HNF4G: variants seen among roughly 807,000 people sequenced by gnomAD.
HNF4G encodes the protein hepatocyte nuclear factor 4-gamma.
Under a neutral mutation model 50.9 loss-of-function variants are expected in HNF4G, and 21 were observed. The ratio of observed to expected loss-of-function variants is 0.41; its 90% confidence interval spans 0.29 to 0.59. The LOEUF is 0.59. Among genes scored for constraint, HNF4G ranks in the 20% least tolerant of loss-of-function variants. HNF4G has a pLI of 0.26. For missense variants in HNF4G, 527 were observed against 559.4 expected, an observed-to-expected ratio of 0.94 and a Z score of 0.58; for synonymous variants, 198 against 185.6, an observed-to-expected ratio of 1.07 and a Z score of -0.54.
intron 9 of HNF4G, among the ~76,000 whole-genome samples, chr8:75,561,191 G>T (rs577330430): frequency 5.3e-5 from 8 of 152,142 alleles, no homozygotes; most frequent in African/African-American, 1.7e-4. Flanking sequence ...TTTTCTTGCC[G>T]GTTTCACTTA....
chr8:75,551,574 T>C lies in HNF4G; in HGVS notation c.489+80T>C. The C allele has an allele frequency of 6.0e-6, 5 of 838,526 alleles. No individual in the cohort carries two copies. In the Admixed American group the frequency reaches 1.0e-4, roughly 17 times the overall value. 51.9% of individuals were successfully genotyped at this position (838,526 alleles called of 1,614,324 possible). A position where few individuals can be genotyped will look rare whatever the true frequency, so the allele number is the denominator to read the frequency against. ...AGGCATCATGCTAAAATAATCTAAGTTTTTTCAAAGGTGCTCATTACTAAA... is the reference window on the plus strand; with the variant it reads ...AGGCATCATGCTAAAATAATCTAAGCTTTTTCAAAGGTGCTCATTACTAAA... On this transcript the variant is annotated intron_variant, in intron 4 of 9. Transcript: ENST00000396423.
At chr8:75,553,760 T>C (rs1191026371) in intron 5 of HNF4G, among the ~76,000 whole-genome samples, 1 of 152,102 alleles carries the variant, frequency 6.6e-6, no homozygotes, top group Non-Finnish European at 1.5e-5. Flanking sequence ...AAAACATCTG[T>C]AGAAACATGA....
intron 2 of HNF4G, among the ~76,000 whole-genome samples, chr8:75,502,142 C>T (rs1323695898): frequency 6.6e-6 from 1 of 152,096 alleles, no homozygotes; most frequent in African/African-American, 2.4e-5. Context: ...TGAGCCACCG[C>T]GCCTGGCCCT....
intron 2 of HNF4G, among the ~76,000 whole-genome samples, chr8:75,501,749 T>C (rs1563531271): frequency 6.6e-6 from 1 of 152,128 alleles, no homozygotes; most frequent in African/African-American, 2.4e-5. Flanking sequence ...GTATACAACA[T>C]TGGTGTTTTG....
intron 2 of HNF4G, among the ~76,000 whole-genome samples, chr8:75,533,879 T>C (rs186401887): frequency 3.3e-5 from 5 of 152,032 alleles, no homozygotes; most frequent in Admixed American, 3.3e-4. Context: ...TAATCTATTA[T>C]TGTATTTTAT....
chr8:75,521,947 T>C (rs1305432639), intron 2 of HNF4G, among the ~76,000 whole-genome samples: 2 of 152,194 alleles, frequency 1.3e-5, no homozygotes, highest in Admixed American at 1.3e-4. Flanking sequence ...GCAAAAGCAG[T>C]ACACATTCAA....
intron 1 of HNF4G, among the ~76,000 whole-genome samples, chr8:75,408,597 T>C (rs1478486462): frequency 6.6e-6 from 1 of 152,232 alleles, no homozygotes; most frequent in African/African-American, 2.4e-5. Flanking sequence ...GGATGAAATG[T>C]CCTTTGGAAG....
chr8:75,529,595 T>C (rs901224746), intron 2 of HNF4G, among the ~76,000 whole-genome samples: 1 of 152,158 alleles, frequency 6.6e-6, no homozygotes, highest in Non-Finnish European at 1.5e-5. Context: ...TTTTTAATCC[T>C]ATTAGTTTAA....
chr8:75,423,723 C>G (rs1810826408), intron 1 of HNF4G, among the ~76,000 whole-genome samples: 1 of 149,020 alleles, frequency 6.7e-6, no homozygotes, highest in African/African-American at 2.5e-5. Context: ...AAAGCAGAAA[C>G]AGAACATTTA....
chr8:75,537,555 T>C (rs1025312268), upstream of HNF4G, among the ~76,000 whole-genome samples: 1 of 151,956 alleles, frequency 6.6e-6, no homozygotes, highest in Admixed American at 6.6e-5. Context: ...TAAAAGACTT[T>C]TTTTTTCCTC....
intron 1 of HNF4G, among the ~76,000 whole-genome samples, chr8:75,454,025 TTCTCTCTC>T (rs58676228): frequency 0.053 from 7,034 of 133,850 alleles, 266 homozygotes; most frequent in African/African-American, 0.099. Context: ...AAGAAGAAAT[TTCTCTCTC>T]TCTCTCTCTC....
chr8:75,458,391 T>TTA (rs1811772536), intron 1 of HNF4G, among the ~76,000 whole-genome samples: 1 of 133,094 alleles, frequency 7.5e-6, no homozygotes, highest in African/African-American at 3.0e-5. Context: ...TTTTTTTTTT[T>TTA]ACTTCTAAGG....
At chr8:75,460,548 G>A (rs148571665) in intron 1 of HNF4G, among the ~76,000 whole-genome samples, 22 of 152,284 alleles carry the variant, frequency 1.4e-4, no homozygotes, top group African/African-American at 4.6e-4. Flanking sequence ...ATATAAAAGA[G>A]TTCTTGCCTT....
rs1403808892 is a variant in HNF4G at position 75,528,980 on chromosome 8, T to C, written c.-23-14831T>C. On this transcript the variant is annotated intron_variant, in intron 2 of 10. Transcript: ENST00000354370. ...GCAGCAGGAGAGAAAGAAGGGAAAC[T>C]GCCACTTTAAAAACCTCAGATCTCT... is the stretch of plus-strand genomic sequence containing the variant. Among the ~76,000 whole-genome samples, 4 of 152,106 alleles carry C rather than the reference T, an allele frequency of 2.6e-5. No homozygotes were observed. In the East Asian group the frequency reaches 7.7e-4, roughly 29 times the overall value.
chr8:75,522,194 A>G (rs1369400682), intron 2 of HNF4G, among the ~76,000 whole-genome samples: 3 of 152,194 alleles, frequency 2.0e-5, no homozygotes, highest in African/African-American at 7.2e-5. Flanking sequence ...ATGCTAGTAT[A>G]TTAGTTCCTT....
At chr8:75,459,755 G>A (rs573297466) in intron 1 of HNF4G, among the ~76,000 whole-genome samples, 17 of 152,126 alleles carry the variant, frequency 1.1e-4, no homozygotes, top group Non-Finnish European at 1.9e-4. Context: ...AGACCCAGAT[G>A]ATCTGGTGGC....
At chr8:75,552,915 G>A in intron 4 of HNF4G, 127 bp from the exon 5 acceptor site, 1 of 558,252 alleles carries the variant, frequency 1.8e-6, no homozygotes. Flanking sequence ...TTTAGTATTT[G>A]TCAAGATACT....
intron 1 of HNF4G, among the ~76,000 whole-genome samples, chr8:75,454,011 TAAG>T (rs1811653058): frequency 6.6e-6 from 1 of 150,944 alleles, no homozygotes; most frequent in Non-Finnish European, 1.5e-5. Context: ...AATTGCTTTA[TAAG>T]AAGAAGAAAT....
intron 6 of HNF4G, among the ~76,000 whole-genome samples, chr8:75,557,201 G>A (rs1807153232): frequency 6.6e-6 from 1 of 152,168 alleles, no homozygotes; most frequent in African/African-American, 2.4e-5. Context: ...ACCCAGAATA[G>A]TTAGGTAAGC....
Sources: gnomAD v4.1 joint callset for allele counts (sites outside exome capture counted in the v4.1 genomes callset) on GRCh38, gnomAD v4.1.1 for gene constraint, MANE v1.5 for transcripts, NCBI Gene and HGNC (gene_info 2026-07-23, HGNC 2026-07-21) for gene names.